NELL2: variants seen among roughly 807,000 people sequenced by gnomAD.
NELL2 encodes neural EGFL like 2, also known as protein kinase C-binding protein NELL2.
In NELL2, 41 loss-of-function variants were observed where a neutral mutation model predicts 109.6. That is an observed-to-expected ratio of 0.37 (90% CI 0.29 to 0.49). NELL2 has a LOEUF of 0.49. Ranked by LOEUF, NELL2 falls within the 20% of genes least tolerant of loss-of-function variation. NELL2 has a pLI of 0.98. For synonymous variants in NELL2, 355 were observed against 344.7 expected, an observed-to-expected ratio of 1.03 and a Z score of -0.33; for missense variants, 900 against 1,008.3, an observed-to-expected ratio of 0.89 and a Z score of 1.45.
At chr12:44,680,181 CTGAACATTACATCAGTGTTTTCA>C (rs1298208966) in intron 12 of NELL2, among the ~76,000 whole-genome samples, 2 of 152,016 alleles carry the variant, frequency 1.3e-5, no homozygotes, top group African/African-American at 4.8e-5. Context: ...CTCGATTAAC[CTGAACATTACATCAGTGTTTTCA>C]TGAAAGATAC....
At chr12:44,774,685 T>A in intron 9 of NELL2, 62 bp downstream of exon 9, 1 of 1,322,952 alleles carries the variant, frequency 7.6e-7, no homozygotes, top group East Asian at 2.3e-5. Context: ...GATGGGTGAA[T>A]ACTTATTAAT....
At chr12:44,650,994 T>C (rs1592271655) in intron 13 of NELL2, among the ~76,000 whole-genome samples, 1 of 152,358 alleles carries the variant, frequency 6.6e-6, no homozygotes. Context: ...CTGTGGCCTG[T>C]TAGGAACTGG....
chr12:44,587,283 A>AT, intron 15 of NELL2, among the ~76,000 whole-genome samples: 10 of 111,676 alleles, frequency 9.0e-5, no homozygotes, highest in African/African-American at 3.3e-4. Context: ...AAAAAAAAAA[A>AT]AATATATATA....
intron 15 of NELL2, among the ~76,000 whole-genome samples, chr12:44,536,272 A>G (rs1051096692): frequency 1.3e-5 from 2 of 152,026 alleles, no homozygotes; most frequent in East Asian, 1.9e-4. Context: ...GCTGATCCAC[A>G]ATTTATGAAT....
intron 2 of NELL2, among the ~76,000 whole-genome samples, chr12:44,849,355 A>G (rs1944464860): frequency 6.6e-6 from 1 of 152,186 alleles, no homozygotes; most frequent in Non-Finnish European, 1.5e-5. Context: ...AAAGATGCAA[A>G]TCTCATTTTT....
In NELL2 at chr12:44,642,295, C is replaced by G. The variant is rs116475948; in HGVS notation, c.1444+23189G>C. On this transcript the variant is annotated intron_variant, in intron 13 of 19. Transcript: ENST00000429094. ...TAGGAATCAATAAGAAAAATATCAA[C>G]AGCCAAAATAGATTAAAGAGTCAAA... Among the ~76,000 whole-genome samples, 322 of 152,086 alleles carry G rather than the reference C, an allele frequency of 2.1e-3. 1 individual carries two copies. The highest frequency in any genetic ancestry group is 7.6e-3 in the African/African-American group (314 of 41,502).
intron 10 of NELL2, 46 bp from the exon 11 acceptor site, chr12:44,711,440 CTTG>C (rs1938197651): frequency 5.3e-6 from 8 of 1,518,448 alleles, no homozygotes; most frequent in Non-Finnish European, 6.4e-6. Context: ...ATCATTAGGA[CTTG>C]TTAAGAAGTT....
exon 1 of NELL2, chr12:44,913,854 T>TAA: frequency 1.4e-6 from 1 of 740,082 alleles, no homozygotes. Context: ...TAATAATGTC[T>TAA]AAAAGGTTCT....
intron 16 of NELL2, among the ~76,000 whole-genome samples, chr12:44,525,308 T>C (rs1211879934): frequency 6.6e-6 from 1 of 152,226 alleles, no homozygotes. Flanking sequence ...GACGAATATG[T>C]ATACTTAAAT....
At chr12:44,880,030 T>C (rs1293250395), upstream of NELL2, among the ~76,000 whole-genome samples, 1 of 151,740 alleles carries the variant, frequency 6.6e-6, no homozygotes, top group Non-Finnish European at 1.5e-5. Flanking sequence ...AGAAAATTCC[T>C]GCTGTGCAAT....
intron 9 of NELL2, among the ~76,000 whole-genome samples, chr12:44,742,554 C>T (rs1054281369): frequency 2.6e-5 from 4 of 152,102 alleles, no homozygotes; most frequent in African/African-American, 9.7e-5. Context: ...AAGTTAAAAG[C>T]TTTGAACAAA....
intron 2 of NELL2, among the ~76,000 whole-genome samples, chr12:44,859,196 T>A (rs1439717649): frequency 6.6e-6 from 1 of 152,200 alleles, no homozygotes; most frequent in Non-Finnish European, 1.5e-5. Context: ...GTGATCCCCA[T>A]CCTTAAAATA....
At chr12:44,620,701 T>C (rs1318268069) in intron 13 of NELL2, among the ~76,000 whole-genome samples, 1 of 152,048 alleles carries the variant, frequency 6.6e-6, no homozygotes, top group Non-Finnish European at 1.5e-5. Flanking sequence ...CTCCCCACAT[T>C]TATCCGGGGC....
chr12:44,691,341 T>G (rs1046218566), intron 12 of NELL2, among the ~76,000 whole-genome samples: 1 of 152,178 alleles, frequency 6.6e-6, no homozygotes, highest in African/African-American at 2.4e-5. Context: ...TTGATTTTAC[T>G]ATTCGAATTC....
In NELL2 at chr12:44,611,023, T is replaced by G. The variant is rs377644232; in HGVS notation, c.1445-53A>C. Reference sequence around the variant, plus strand: ...TCAAAGTTATATTTCCAAAGCTATATTTTAAACTACACCTTCAGTCTTGGT... The same window carrying G: ...TCAAAGTTATATTTCCAAAGCTATAGTTTAAACTACACCTTCAGTCTTGGT... On this transcript the variant is annotated intron_variant, in intron 13 of 19. Coordinates refer to ENST00000429094, the MANE Select transcript of NELL2 (RefSeq NM_001145108.2). 2.2e-5 allele frequency: 34 copies of G among 1,572,354 alleles called. 1 individual carries two copies. The Middle Eastern group carries it at 3.7e-3, about 173-fold the overall frequency.
rs143774701 is a variant in NELL2, at chr12:44,799,813, A to T, written c.335+16173T>A. Among the ~76,000 whole-genome samples, 721 of 151,898 alleles carry T rather than the reference A, an allele frequency of 4.7e-3. 4 individuals are homozygous for T. Among genetic ancestry groups the T allele is most frequent in the Non-Finnish European group, 7.8e-3 (529 of 67,952 alleles). ...CACCCTACTTTAATTGAAAGATGAA[A>T]CTCCTACCCAAGAGTTATTTGTAGA... On this transcript the variant is annotated intron_variant, in intron 3 of 19. Coordinates refer to ENST00000429094, the MANE Select transcript of NELL2 (RefSeq NM_001145108.2).
intron 11 of NELL2, among the ~76,000 whole-genome samples, chr12:44,706,562 T>C (rs886201261): frequency 6.6e-6 from 1 of 152,206 alleles, no homozygotes; most frequent in African/African-American, 2.4e-5. Flanking sequence ...TAATTAACCT[T>C]TCTAAGCCTT....
intron 12 of NELL2, among the ~76,000 whole-genome samples, chr12:44,684,433 T>G (rs1337872982): frequency 3.3e-5 from 5 of 152,178 alleles, no homozygotes; most frequent in African/African-American, 1.2e-4. Context: ...TCTGCTCTGA[T>G]TTTAGTTATT....
Position 44,508,847 on chromosome 12 carries a change from A to T in NELL2, c.*87T>A. 1 of 1,164,750 alleles carries T rather than the reference A, an allele frequency of 8.6e-7. No homozygotes were observed. Among genetic ancestry groups the T allele is most frequent in the Non-Finnish European group, 1.3e-6 (1 of 790,528 alleles). 72.2% of individuals were successfully genotyped at this position (1,164,750 alleles called of 1,614,324 possible). Reference sequence around the variant, plus strand: ...ACAAAGCTGCATTTAGCTGCCCACAAATCACCCAATTTAAGTTTTAACTTC... The same window carrying T: ...ACAAAGCTGCATTTAGCTGCCCACATATCACCCAATTTAAGTTTTAACTTC... On this transcript the variant is annotated 3_prime_UTR_variant, in exon 20 of 20. Coordinates refer to ENST00000429094, the MANE Select transcript of NELL2 (RefSeq NM_001145108.2).
Sources: gnomAD v4.1 joint callset for allele counts (sites outside exome capture counted in the v4.1 genomes callset) on GRCh38, gnomAD v4.1.1 for gene constraint, MANE v1.5 for transcripts, NCBI Gene and HGNC (gene_info 2026-07-23, HGNC 2026-07-21) for gene names.